Variants in THSD7A observed in about 807,000 individuals in gnomAD.
THSD7A encodes thrombospondin type 1 domain containing 7A, also known as thrombospondin type-1 domain-containing protein 7A.
In THSD7A, 96 loss-of-function variants were observed where a neutral mutation model predicts 231.3. That is an observed-to-expected ratio of 0.41 (90% CI 0.35 to 0.49). The LOEUF is 0.49. THSD7A is among the 20% of genes least tolerant of loss of function. THSD7A has a pLI of 0.05. For synonymous variants in THSD7A, 940 were observed against 743.3 expected, an observed-to-expected ratio of 1.26 and a Z score of -4.30; for missense variants, 2,290 against 2,070.2, an observed-to-expected ratio of 1.11 and a Z score of -2.06.
chr7:11,538,825 C>A (rs1264026286), intron 6 of THSD7A, among the ~76,000 whole-genome samples: 1 of 152,040 alleles, frequency 6.6e-6, no homozygotes, highest in African/African-American at 2.4e-5. Context: ...CCCCAAGCCT[C>A]CTCCTTAGAA....
At chr7:11,728,243 A>T (rs962103341) in intron 1 of THSD7A, among the ~76,000 whole-genome samples, 14 of 152,000 alleles carry the variant, frequency 9.2e-5, no homozygotes, top group Admixed American at 4.6e-4. Context: ...TGATAGTGGA[A>T]ATCTCACTCA....
At chr7:11,494,613 A>G (rs896468495) in intron 6 of THSD7A, among the ~76,000 whole-genome samples, 10 of 152,072 alleles carry the variant, frequency 6.6e-5, no homozygotes, top group Admixed American at 2.6e-4. Context: ...TGGCAATTCA[A>G]GTGGGAAGTA....
At chr7:11,518,587 A>G (rs1008925028) in intron 6 of THSD7A, among the ~76,000 whole-genome samples, 1 of 126,374 alleles carries the variant, frequency 7.9e-6, no homozygotes, top group East Asian at 2.2e-4. Flanking sequence ...TGTAGCTGGA[A>G]ATAAAATAGA....
At chr7:11,723,428 A>G (rs944595259) in intron 1 of THSD7A, among the ~76,000 whole-genome samples, 1 of 151,946 alleles carries the variant, frequency 6.6e-6, no homozygotes, top group African/African-American at 2.4e-5. Flanking sequence ...ATACATATGT[A>G]ACAAACCTGC....
Position 11,429,062 on chromosome 7 carries a change from T to C in THSD7A, c.3128A>G (p.Asn1043Ser), listed in dbSNP as rs766286724. ...PSDCKLSEWS[N>S]WSRCSKSCGS... ...ACAGGACTTGCTGCAGCGCGACCAG[T>C]TGGACCACTCACTGAGCTTGCAGTC... Residue 1043 changes from asparagine (N) to serine (S), a missense_variant, in exon 14 of 28, where the codon AAC becomes AGC. Coordinates refer to ENST00000423059, the MANE Select transcript of THSD7A (RefSeq NM_015204.3). 2 of 1,612,748 alleles carry C rather than the reference T, an allele frequency of 1.2e-6. No homozygotes were observed. Among genetic ancestry groups the C allele is most frequent in the Admixed American group, 1.7e-5 (1 of 59,784 alleles).
intron 1 of THSD7A, among the ~76,000 whole-genome samples, chr7:11,768,445 A>G (rs540594936): frequency 1.4e-4 from 21 of 152,294 alleles, no homozygotes; most frequent in African/African-American, 4.6e-4. Context: ...TAGACTGTCT[A>G]GGAGTCGACA....
intron 6 of THSD7A, among the ~76,000 whole-genome samples, chr7:11,508,383 C>A (rs1787647948): frequency 6.6e-6 from 1 of 151,894 alleles, no homozygotes; most frequent in Admixed American, 6.6e-5. Context: ...CACTTCATAC[C>A]TGTCAGAACA....
At chr7:11,711,929 T>C (rs745907309) in intron 1 of THSD7A, among the ~76,000 whole-genome samples, 3 of 151,028 alleles carry the variant, frequency 2.0e-5, no homozygotes, top group Non-Finnish European at 3.0e-5. Context: ...TTTGGATTTC[T>C]CCATTTTGTC....
At chr7:11,498,916 G>C (rs1452900339) in intron 6 of THSD7A, among the ~76,000 whole-genome samples, 5 of 152,088 alleles carry the variant, frequency 3.3e-5, no homozygotes, top group Admixed American at 1.3e-4. Context: ...TGTTACATGG[G>C]TTCCCGTTCT....
chr7:11,378,599 A>C (rs1259516227), intron 26 of THSD7A: 1 of 160,588 alleles, frequency 6.2e-6, no homozygotes, highest in African/African-American at 2.4e-5. Context: ...GGGCTAATAG[A>C]AACTGGTCTA....
At chr7:11,418,790 GA>G in intron 16 of THSD7A, among the ~76,000 whole-genome samples, 1 of 151,200 alleles carries the variant, frequency 6.6e-6, no homozygotes, top group Non-Finnish European at 1.5e-5. Flanking sequence ...CCTGTAGCCT[GA>G]AAAAAATACC....
rs551506477 is a variant in THSD7A at position 11,430,205 on chromosome 7, A to G, written c.3065-1080T>C. Among the ~76,000 whole-genome samples the G allele has an allele frequency of 4.5e-4, 69 of 152,300 alleles. 1 individual carries two copies. The highest frequency in any genetic ancestry group is 1.7e-3 in the African/African-American group (69 of 41,564). ...GGCAACTCTAGGTAGATTTTTAAAA[A>G]TTTATGGAGATATAATTCATATTCC... is the stretch of plus-strand genomic sequence containing the variant. On this transcript the variant is annotated intron_variant, in intron 13 of 27. Transcript: ENST00000423059.
chr7:11,790,597 T>C (rs1282033256), intron 1 of THSD7A, among the ~76,000 whole-genome samples: 4 of 152,058 alleles, frequency 2.6e-5, no homozygotes, highest in Non-Finnish European at 5.9e-5. Context: ...TTTAAAAATG[T>C]TTCTTAAATT....
At chr7:11,788,048 G>A (rs1206951877) in intron 1 of THSD7A, among the ~76,000 whole-genome samples, 1 of 151,990 alleles carries the variant, frequency 6.6e-6, no homozygotes, top group Non-Finnish European at 1.5e-5. Flanking sequence ...TGGCTACAAG[G>A]TTGGTCTTTT....
At chr7:11,560,845 G>A (rs913377061) in intron 4 of THSD7A, among the ~76,000 whole-genome samples, 2 of 152,052 alleles carry the variant, frequency 1.3e-5, no homozygotes, top group Non-Finnish European at 2.9e-5. Context: ...AGAAAAACAA[G>A]GAATTACAAA....
Position 11,590,959 on chromosome 7 carries a change from C to G in THSD7A, c.1272-318G>C, listed in dbSNP as rs1780139363. On this transcript the variant is annotated intron_variant, in intron 3 of 27. Transcript: ENST00000423059. This position sits in a 1 kb window ranked among gnomAD's most constrained non-coding sequence, Gnocchi z 4.4. ...CAATTAAGCTGAACCCAGGCTTGCC[C>G]TTTCTTGTTGCCTATAAACAAAGGT... 1.3e-5 allele frequency among the ~76,000 whole-genome samples: 2 copies of G among 152,080 alleles called. No homozygotes were observed. The highest frequency in any genetic ancestry group is 4.8e-5 in the African/African-American group (2 of 41,404).
Position 11,729,278 on chromosome 7 carries a change from G to A in THSD7A, c.191-92317C>T, listed in dbSNP as rs114956517. 2.6e-3 allele frequency among the ~76,000 whole-genome samples: 402 copies of A among 151,856 alleles called. 1 individual carries two copies. The highest frequency in any genetic ancestry group is 9.0e-3 in the African/African-American group (375 of 41,502). On this transcript the variant is annotated intron_variant, in intron 1 of 27. Coordinates refer to ENST00000423059, the MANE Select transcript of THSD7A (RefSeq NM_015204.3). ...TGAGCTAGTAAAAAGATGTGTGGAG[G>A]AAGTTATGTCCTTAATCGTGTATGA...
chr7:11,531,225 C>G (rs1316966135), intron 6 of THSD7A, among the ~76,000 whole-genome samples: 1 of 152,164 alleles, frequency 6.6e-6, no homozygotes, highest in African/African-American at 2.4e-5. Flanking sequence ...CAACCCTTAT[C>G]TAAGCCACAC....
At chr7:11,476,513 T>G (rs1457527937) in intron 7 of THSD7A, among the ~76,000 whole-genome samples, 1 of 152,130 alleles carries the variant, frequency 6.6e-6, no homozygotes, top group African/African-American at 2.4e-5. Flanking sequence ...TTATATAATG[T>G]TACTCAAGAT....
Sources: gnomAD v4.1 joint callset for allele counts (sites outside exome capture counted in the v4.1 genomes callset) on GRCh38, gnomAD v4.1.1 for gene constraint, Gnocchi (gnomAD v3.1) non-coding constraint, MANE v1.5 for transcripts, NCBI Gene and HGNC (gene_info 2026-07-23, HGNC 2026-07-21) for gene names.